GSTT4: variants seen among roughly 807,000 people sequenced by gnomAD.
GSTT4 encodes the protein glutathione S-transferase theta-4.
chr22:24,000,476 T>A (rs1439114956), intron 3 of GSTT4, among the ~76,000 whole-genome samples: 1 of 142,128 alleles, frequency 7.0e-6, no homozygotes, highest in Non-Finnish European at 1.5e-5. Context: ...TGATTAGTGA[T>A]GTCTGTCACA....
downstream of GSTT4, among the ~76,000 whole-genome samples, chr22:23,995,406 C>T (rs2034106853): frequency 6.6e-6 from 1 of 152,160 alleles, no homozygotes; most frequent in South Asian, 2.1e-4. Flanking sequence ...CCTCTCTTTA[C>T]ATTTATTACA....
downstream of GSTT4, among the ~76,000 whole-genome samples, chr22:23,994,291 T>A (rs529478197): frequency 6.6e-6 from 1 of 152,128 alleles, no homozygotes; most frequent in Non-Finnish European, 1.5e-5. Context: ...TTCAATTGGT[T>A]TAAAGCCAAT....
At chr22:23,996,954 G>A (rs431756), downstream of GSTT4, among the ~76,000 whole-genome samples, 1,597 of 151,930 alleles carry the variant, frequency 0.011, 2 homozygotes, top group African/African-American at 0.036. Flanking sequence ...GAAGCCATCT[G>A]GTCCTGGGCT....
the GSTT4 span, among the ~76,000 whole-genome samples, chr22:23,990,102 GTGC>G: frequency 1.6e-4 from 23 of 147,944 alleles, no homozygotes; most frequent in East Asian, 4.4e-3. Context: ...CCACTGAATT[GTGC>G]TCCAGCTGCA....
At chr22:23,997,301 T>C (rs897903420), downstream of GSTT4, among the ~76,000 whole-genome samples, 1 of 152,000 alleles carries the variant, frequency 6.6e-6, no homozygotes, top group African/African-American at 2.4e-5. Context: ...GGTGTAACCT[T>C]GAACTCTTGG....
intron 1 of GSTT4, chr22:24,004,238 A>C (rs2034301802): frequency 6.5e-6 from 1 of 152,908 alleles, no homozygotes; most frequent in Non-Finnish European, 1.5e-5. Flanking sequence ...CTCTGTCTCC[A>C]CTTTAAGGAA....
chr22:23,995,776 T>C (rs769800432), downstream of GSTT4, among the ~76,000 whole-genome samples: 2 of 152,302 alleles, frequency 1.3e-5, no homozygotes, highest in South Asian at 2.1e-4. Flanking sequence ...CAGCACATTG[T>C]AGTTTGCTGT....
downstream of GSTT4, among the ~76,000 whole-genome samples, chr22:23,997,427 T>C (rs146029739): frequency 1.2e-3 from 176 of 152,174 alleles, 2 homozygotes; most frequent in African/African-American, 4.0e-3. Context: ...CTCATTGTGT[T>C]ACCCAGGCTG....
chr22:23,997,928 GTTGT>G (rs1198991916), downstream of GSTT4, among the ~76,000 whole-genome samples: 1 of 152,186 alleles, frequency 6.6e-6, no homozygotes, highest in Non-Finnish European at 1.5e-5. Flanking sequence ...TAACCCATTT[GTTGT>G]TTAAGAGTGT....
chr22:23,990,653 T>C, the GSTT4 span, among the ~76,000 whole-genome samples: 2,806 of 56,800 alleles, frequency 0.049, 488 homozygotes, highest in African/African-American at 0.15. Flanking sequence ...AATAAATAAA[T>C]AAACAAACAA....
In GSTT4 at chr22:23,998,440, G is replaced by GTTTTTTTTTTTTTTTTTTTTTT. The variant is rs1232729994; in HGVS notation, c.*101_*102insAAAAAAAAAAAAAAAAAAAAAA. On this transcript the variant is annotated 3_prime_UTR_variant, in exon 5 of 5. Transcript: ENST00000621179. ...GTTCTTTATTAGGCAAAGAACAGTT[G>GTTTTTTTTTTTTTTTTTTTTTT]TTTTTTTGTTTTTTTGTTTTTTTTT... The GTTTTTTTTTTTTTTTTTTTTTT allele has an allele frequency of 7.1e-6, 1 of 139,912 alleles. No individual in the cohort carries two copies. Among genetic ancestry groups the GTTTTTTTTTTTTTTTTTTTTTT allele is most frequent in the African/African-American group, 2.9e-5 (1 of 34,790 alleles). 8.7% of individuals were successfully genotyped at this position (139,912 alleles called of 1,614,324 possible).
the GSTT4 span, among the ~76,000 whole-genome samples, chr22:23,992,048 G>A: frequency 2.5e-5 from 1 of 39,384 alleles, no homozygotes; most frequent in African/African-American, 5.9e-5. Flanking sequence ...GCCATACTCC[G>A]TCTCAAAAAA....
the GSTT4 span, among the ~76,000 whole-genome samples, chr22:23,993,099 T>C: frequency 6.6e-6 from 1 of 152,210 alleles, no homozygotes; most frequent in Non-Finnish European, 1.5e-5. Context: ...CATTTAAAGT[T>C]ACCATCATTG....
chr22:24,003,471 T>C (rs1296963905), intron 2 of GSTT4, among the ~76,000 whole-genome samples: 1 of 152,258 alleles, frequency 6.6e-6, no homozygotes, highest in Non-Finnish European at 1.5e-5. Flanking sequence ...CACTTCAGCC[T>C]CTCAAAGTGC....
chr22:23,990,735 T>TGTCA, the GSTT4 span, among the ~76,000 whole-genome samples: 5 of 93,622 alleles, frequency 5.3e-5, 1 homozygote, highest in East Asian at 9.0e-4. Flanking sequence ...AACGAGGCAG[T>TGTCA]TTGTTTTTTC....
intron 1 of GSTT4, chr22:24,004,640 G>A (rs1487250360): frequency 6.5e-6 from 1 of 153,346 alleles, no homozygotes; most frequent in Non-Finnish European, 1.5e-5. Context: ...GAGTTCACAA[G>A]GTCCTAGAAT....
chr22:24,002,346 G>T (rs2034249677), intron 2 of GSTT4, among the ~76,000 whole-genome samples: 2 of 152,402 alleles, frequency 1.3e-5, no homozygotes, highest in African/African-American at 4.8e-5. Flanking sequence ...CAGAGGGAAG[G>T]GGATGGAGGG....
At chr22:24,002,371 A>C (rs2034250752) in intron 2 of GSTT4, among the ~76,000 whole-genome samples, 1 of 152,242 alleles carries the variant, frequency 6.6e-6, no homozygotes. Context: ...CATGCTTCGG[A>C]GGGGATGTCC....
chr22:23,995,897 A>G (rs1469105389), downstream of GSTT4, among the ~76,000 whole-genome samples: 1 of 152,116 alleles, frequency 6.6e-6, no homozygotes, highest in Non-Finnish European at 1.5e-5. Flanking sequence ...TTGCAAATGT[A>G]TACTATTGAT....
Sources: gnomAD v4.1 joint callset for allele counts (sites outside exome capture counted in the v4.1 genomes callset) on GRCh38, gnomAD v4.1.1 for gene constraint, MANE v1.5 for transcripts, NCBI Gene and HGNC (gene_info 2026-07-23, HGNC 2026-07-21) for gene names.